AMPD3: variants seen among roughly 807,000 people sequenced by gnomAD.
AMPD3 encodes the protein AMP deaminase 3.
AMPD3 carries 57 observed loss-of-function variants against 82.3 expected under a neutral mutation model. The observed-to-expected ratio is 0.69, with a 90% CI of 0.56 to 0.86. The LOEUF is 0.86. Among genes scored for constraint, AMPD3 ranks in the 40% least tolerant of loss-of-function variants. The pLI, the probability that AMPD3 is intolerant of heterozygous loss-of-function variation, is 0.00. For synonymous variants in AMPD3, 381 were observed against 394.7 expected (o/e 0.97, Z 0.41); for missense variants, 870 against 1,003.8 (o/e 0.87, Z 1.80).
chr11:10,464,603 C>T lies in AMPD3; in HGVS notation c.221+2863C>T, dbSNP rs535730586. 1.4e-4 allele frequency among the ~76,000 whole-genome samples: 21 copies of T among 152,264 alleles called. No homozygotes were observed. The South Asian group carries it at 3.5e-3, about 26-fold the overall frequency. Reference sequence around the variant, plus strand: ...TGGTCAAAGCTCCCGCTCTGTCCATCGGCTTCTTTCCTGAAAAAAAGCTTG... The same window carrying T: ...TGGTCAAAGCTCCCGCTCTGTCCATTGGCTTCTTTCCTGAAAAAAAGCTTG... On this transcript the variant is annotated intron_variant, in intron 2 of 14. Transcript: ENST00000396553.
chr11:10,482,423 G>A (rs192564640), intron 4 of AMPD3, among the ~76,000 whole-genome samples, 198 bp downstream of exon 4: 88 of 152,352 alleles, frequency 5.8e-4, no homozygotes, highest in East Asian at 5.8e-4. Flanking sequence ...CCTGTGCAGA[G>A]CTGAACTGTT....
In AMPD3 at chr11:10,495,390, G is replaced by T. The variant is rs938144574; in HGVS notation, c.1267-180G>T. On this transcript the variant is annotated intron_variant, in intron 8 of 14. Coordinates refer to ENST00000396553, the MANE Select transcript of AMPD3 (RefSeq NM_001025389.2). ...CCCAAGGCCTTCCTCACCAGAGGGG[G>T]CCTCTCCTAAAGTGGAACAAGAGCT... The T allele has an allele frequency of 8.4e-5, 83 of 984,904 alleles. 1 individual carries two copies. In the African/African-American group the frequency reaches 1.1e-3, roughly 13 times the overall value. 61.0% of individuals were successfully genotyped at this position (984,904 alleles called of 1,614,324 possible).
At chr11:10,459,518 GC>G in intron 1 of AMPD3, among the ~76,000 whole-genome samples, 1 of 152,236 alleles carries the variant, frequency 6.6e-6, no homozygotes, top group East Asian at 1.9e-4. Flanking sequence ...CTCCCCTGTA[GC>G]TGCACTTCTC....
At chr11:10,497,835 C>T in intron 10 of AMPD3, 2 of 985,282 alleles carry the variant, frequency 2.0e-6, no homozygotes, top group Non-Finnish European at 2.4e-6. Context: ...GGTCAGACGC[C>T]ACAACGTGAT....
intron 1 of AMPD3, among the ~76,000 whole-genome samples, chr11:10,458,234 A>G (rs1464939764): frequency 2.1e-5 from 3 of 141,742 alleles, no homozygotes; most frequent in Admixed American, 7.3e-5. Flanking sequence ...TGCCTGGACA[A>G]CATGGCAAAA....
At chr11:10,486,210 C>T (rs899243098) in intron 5 of AMPD3, among the ~76,000 whole-genome samples, 2 of 152,144 alleles carry the variant, frequency 1.3e-5, no homozygotes, top group Non-Finnish European at 2.9e-5. Context: ...CCTTTAAACT[C>T]CCTTCCGACT....
At chr11:10,455,816 G>A (rs1184030540) in intron 1 of AMPD3, 22 of 779,628 alleles carry the variant, frequency 2.8e-5, no homozygotes, top group Non-Finnish European at 3.3e-5. Flanking sequence ...CCCTTGGGAG[G>A]GCTGCTTTAG....
chr11:10,461,169 C>A, intron 1 of AMPD3: 3 of 1,217,968 alleles, frequency 2.5e-6, no homozygotes, highest in Non-Finnish European at 3.1e-6. Context: ...GCTGAACTCT[C>A]TCTTGTCCCT....
upstream of AMPD3, chr11:10,450,976 C>G (rs751333915): frequency 1.0e-5 from 16 of 1,550,468 alleles, no homozygotes; most frequent in South Asian, 1.5e-4. Flanking sequence ...CTGCCCAGCG[C>G]GTCCCCTTTG....
At chr11:10,460,794 A>G (rs2133820968) in intron 1 of AMPD3, 1 of 703,132 alleles carries the variant, frequency 1.4e-6, no homozygotes, top group Admixed American at 6.3e-5. Context: ...CAAGAATGAA[A>G]CCCAACCAAC....
chr11:10,468,457 A>G (rs1051315740), intron 2 of AMPD3, among the ~76,000 whole-genome samples: 1 of 152,244 alleles, frequency 6.6e-6, no homozygotes, highest in Non-Finnish European at 1.5e-5. Flanking sequence ...GATCAATGCA[A>G]CAAGAAGAGC....
chr11:10,485,004 G>A lies in AMPD3; in HGVS notation c.774G>A (p.Met258Ile). The change falls in exon 5 of 15, where the codon ATG (methionine) becomes ATA (isoleucine). Residue 258 changes from methionine (M) to isoleucine (I), a missense_variant. Physicochemically the swap from Met to Ile is conservative, Grantham distance 10. Coordinates refer to ENST00000396553, the MANE Select transcript of AMPD3 (RefSeq NM_001025389.2). ...ACCTGGAGACCTACACGGTGGACAT[G>A]AGCCACATCCTGGCTCTCATCACCG... ...YPDLETYTVD[M>I]SHILALITDG... The A allele has an allele frequency of 6.2e-7, 1 of 1,613,962 alleles. No individual in the cohort carries two copies. Among genetic ancestry groups the A allele is most frequent in the South Asian group, 1.1e-5 (1 of 91,074 alleles).
At position 10,477,018 on chromosome 11, in the gene AMPD3, C is replaced by T. The variant is rs1848760456; in HGVS notation, c.222-1508C>T. On this transcript the variant is annotated intron_variant, in intron 2 of 14. Coordinates refer to ENST00000396553, the MANE Select transcript of AMPD3 (RefSeq NM_001025389.2). ...GCCTTGTCCCAAAGATGTGATAACA[C>T]AGGGTAGGCAGGTGAGAACCAGAGG... 5.1e-6 allele frequency: 5 copies of T among 985,342 alleles called. No individual in the cohort carries two copies. The South Asian group carries it at 1.4e-4, about 28-fold the overall frequency. 61.0% of individuals were successfully genotyped at this position (985,342 alleles called of 1,614,324 possible).
chr11:10,477,927 G>T, intron 2 of AMPD3: 1 of 985,434 alleles, frequency 1.0e-6, no homozygotes, highest in Non-Finnish European at 1.2e-6. Flanking sequence ...TTGGATGGCG[G>T]TCGCTAGTCC....
chr11:10,505,452 T>G, intron 14 of AMPD3: 1 of 985,288 alleles, frequency 1.0e-6, no homozygotes, highest in Non-Finnish European at 1.2e-6. Context: ...GACCTTATCT[T>G]TCCTCTCTGA....
intron 8 of AMPD3, 22 bp from the exon 9 acceptor site, chr11:10,495,548 A>G (rs780322652): frequency 1.2e-6 from 2 of 1,612,126 alleles, no homozygotes; most frequent in Non-Finnish European, 1.7e-6. Flanking sequence ...ACTGGGGCTG[A>G]CCCAAGCTCT....
rs762118197 is a variant in AMPD3, at chr11:10,496,924, C to T, written c.1543C>T (p.Leu515Phe). 14 of 1,613,980 alleles carry T rather than the reference C, an allele frequency of 8.7e-6. No individual in the cohort carries two copies. Among genetic ancestry groups the T allele is most frequent in the East Asian group, 2.2e-5 (1 of 44,898 alleles). Residue 515 changes from leucine (L) to phenylalanine (F), a missense_variant, in exon 10 of 15, where the codon CTC becomes TTC. Transcript: ENST00000396553. The stretch of plus-strand genomic sequence containing the variant: ...CCCCCAAGATCATCGAGAGCTTCAC[C>T]TCTTCCTTAAATATGTAAGTGTGGG... ...INPQDHRELHLFLKYVTGFDS... is the reference protein window; with the variant it reads ...INPQDHRELHFFLKYVTGFDS...
chr11:10,495,719 G>T lies in AMPD3; in HGVS notation c.1416G>T (p.Gln472His), dbSNP rs1302475012. 1.2e-6 allele frequency: 2 copies of T among 1,614,112 alleles called. No individual in the cohort carries two copies. The highest frequency in any genetic ancestry group is 3.3e-5 in the Admixed American group (2 of 60,022). ...CTCCCAACATGCGCTGGATCATCCA[G>T]GTGCCCCGGATTTAGTAAGTGAGGT... ...VYSPNMRWIIQVPRIYDIFRS... is the reference protein window; with the variant it reads ...VYSPNMRWIIHVPRIYDIFRS... The change falls in exon 9 of 15, where the codon CAG becomes CAT. Residue 472 changes from glutamine (Q) to histidine (H), a missense_variant. Coordinates refer to ENST00000396553, the MANE Select transcript of AMPD3 (RefSeq NM_001025389.2).
chr11:10,459,491 T>C (rs1197178401), intron 1 of AMPD3, among the ~76,000 whole-genome samples: 1 of 152,168 alleles, frequency 6.6e-6, no homozygotes, highest in African/African-American at 2.4e-5. Flanking sequence ...TGTCCCAAGA[T>C]GGCCTAGTGT....
Sources: allele counts gnomAD v4.1 joint callset (sites outside exome capture counted in the v4.1 genomes callset), GRCh38; gene constraint gnomAD v4.1.1; transcripts MANE v1.5; gene names NCBI Gene and HGNC (gene_info 2026-07-23, HGNC 2026-07-21).